KDM5A: variants seen among roughly 807,000 people sequenced by gnomAD.
KDM5A encodes lysine-specific demethylase 5A.
KDM5A carries 42 observed loss-of-function variants against 193.5 expected under a neutral mutation model. The ratio of observed to expected loss-of-function variants is 0.22; its 90% CI spans 0.17 to 0.28. The LOEUF (loss-of-function observed/expected upper bound fraction) is 0.28. Ranked by LOEUF, KDM5A falls within the 10% of genes least tolerant of loss-of-function variation. The pLI is 1.00. For missense variants in KDM5A, 1,692 were observed against 2,055.1 expected, an observed-to-expected ratio of 0.82 and a Z score of 3.42; for synonymous variants, 796 against 718.1, an observed-to-expected ratio of 1.11 and a Z score of -1.73.
At chr12:333,182 GC>G in intron 12 of KDM5A, 1 of 401,254 alleles carries the variant, frequency 2.5e-6, no homozygotes, top group Non-Finnish European at 4.7e-6. Context: ...ACTTTGGGAG[GC>G]CGAGTTGGGA....
chr12:313,700 C>T (rs577836601), intron 19 of KDM5A, among the ~76,000 whole-genome samples: 124 of 152,268 alleles, frequency 8.1e-4, no homozygotes, highest in African/African-American at 2.8e-3. Flanking sequence ...ATGAATAAAG[C>T]ATAGACCTTA....
At chr12:361,690 T>C (rs2084733230) in intron 5 of KDM5A, among the ~76,000 whole-genome samples, 1 of 152,176 alleles carries the variant, frequency 6.6e-6, no homozygotes, top group South Asian at 2.1e-4. Context: ...AATCACTGTA[T>C]ACCCAAAGAT....
intron 27 of KDM5A, among the ~76,000 whole-genome samples, chr12:287,795 T>G (rs1943238558): frequency 6.6e-6 from 1 of 152,182 alleles, no homozygotes; most frequent in South Asian, 2.1e-4. Flanking sequence ...ATCCATTGGA[T>G]AAGAATGTTA....
chr12:343,216 T>TG (rs1032618622), intron 10 of KDM5A, among the ~76,000 whole-genome samples: 12 of 151,622 alleles, frequency 7.9e-5, no homozygotes, highest in Admixed American at 7.9e-4. Flanking sequence ...GCAGCCTGGC[T>TG]GGGGGAGGGG....
intron 5 of KDM5A, among the ~76,000 whole-genome samples, chr12:360,924 G>A (rs1944286595): frequency 6.6e-6 from 1 of 152,054 alleles, no homozygotes; most frequent in Non-Finnish European, 1.5e-5. Context: ...TGAAGAGAAA[G>A]GTACACTTTG....
At chr12:335,758 C>T (rs1470193309) in intron 10 of KDM5A, among the ~76,000 whole-genome samples, 2 of 151,978 alleles carry the variant, frequency 1.3e-5, no homozygotes, top group Non-Finnish European at 2.9e-5. Context: ...CACAGAGAGG[C>T]GGGCTGGGCA....
intron 3 of KDM5A, among the ~76,000 whole-genome samples, chr12:371,402 AG>A (rs531386182): frequency 1.5e-3 from 231 of 152,296 alleles, no homozygotes; most frequent in African/African-American, 4.7e-3. Context: ...TTGGCTGCAT[AG>A]ATGTCTGCTT....
intron 4 of KDM5A, among the ~76,000 whole-genome samples, chr12:363,902 A>G (rs1434783368): frequency 6.6e-6 from 1 of 152,204 alleles, no homozygotes; most frequent in East Asian, 1.9e-4. Context: ...CAAGTATAAG[A>G]CAAACAACCC....
intron 3 of KDM5A, among the ~76,000 whole-genome samples, chr12:373,934 G>A (rs1453367807): frequency 6.6e-6 from 1 of 152,152 alleles, no homozygotes; most frequent in Non-Finnish European, 1.5e-5. Context: ...ATTGCACTGT[G>A]GTCTGAGAGA....
intron 3 of KDM5A, among the ~76,000 whole-genome samples, chr12:376,707 C>T (rs1449512373): frequency 2.0e-5 from 3 of 152,142 alleles, no homozygotes; most frequent in Non-Finnish European, 2.9e-5. Context: ...TGTTCCTATT[C>T]GGCCATCTTG....
Position 310,766 on chromosome 12 carries a change from G to A in KDM5A, c.3216+119C>T, listed in dbSNP as rs1245102715. 69 of 1,132,876 alleles carry A rather than the reference G, an allele frequency of 6.1e-5. No homozygotes were observed. The East Asian group carries it at 1.3e-3, about 21-fold the overall frequency. The allele number at this position is 1,132,876 out of a possible 1,614,324, so 70.2% of individuals were successfully genotyped here. A position where few individuals can be genotyped will look rare whatever the true frequency, so the allele number is the denominator to read the frequency against. ...GGTTCCAGATTTCAAGTCAACATCT[G>A]ATATTACCTAGTAAGAATCACTTGT... On this transcript the variant is annotated intron_variant, in intron 21 of 27. Coordinates refer to ENST00000399788, the MANE Select transcript of KDM5A (RefSeq NM_001042603.3).
chr12:292,307 G>A (rs1472649805), intron 27 of KDM5A, among the ~76,000 whole-genome samples: 1 of 152,192 alleles, frequency 6.6e-6, no homozygotes, highest in South Asian at 2.1e-4. Context: ...GTAAGATATG[G>A]ACTAAAAGTT....
At chr12:356,275 G>C (rs574954881) in intron 6 of KDM5A, among the ~76,000 whole-genome samples, 157 bp downstream of exon 6, 1 of 152,234 alleles carries the variant, frequency 6.6e-6, no homozygotes, top group Non-Finnish European at 1.5e-5. Context: ...AAATTTAAGA[G>C]ATCTGGCATT....
intron 24 of KDM5A, among the ~76,000 whole-genome samples, chr12:298,986 G>C (rs1438227622): frequency 1.3e-5 from 2 of 151,612 alleles, no homozygotes; most frequent in African/African-American, 4.8e-5. Context: ...TAAAGTGAGA[G>C]GACAAGATTA....
chr12:287,497 CAAA>C (rs58615505), intron 27 of KDM5A, among the ~76,000 whole-genome samples: 4 of 121,800 alleles, frequency 3.3e-5, no homozygotes, highest in Non-Finnish European at 3.5e-5. Flanking sequence ...AATCAGAGAC[CAAA>C]AAAAAAAAAA....
chr12:288,053 T>C (rs936573738), intron 27 of KDM5A, among the ~76,000 whole-genome samples: 1 of 152,212 alleles, frequency 6.6e-6, no homozygotes, highest in Admixed American at 6.5e-5. Flanking sequence ...TATAACAATT[T>C]AGCCTGATAA....
intron 24 of KDM5A, among the ~76,000 whole-genome samples, chr12:301,447 T>C (rs1261570655): frequency 6.6e-6 from 1 of 152,202 alleles, no homozygotes; most frequent in South Asian, 2.1e-4. Flanking sequence ...ATTATCTCGA[T>C]AGATGCAGAA....
Position 328,845 on chromosome 12 carries a change from A to G in KDM5A, c.1958T>C (p.Val653Ala). 1 of 1,613,940 alleles carries G rather than the reference A, an allele frequency of 6.2e-7. No homozygotes were observed. Among genetic ancestry groups the G allele is most frequent in the Non-Finnish European group, 8.5e-7 (1 of 1,180,024 alleles). The part of the protein sequence containing the change: ...TEEETRLRES[V>A]VQMGVLMSEE... ...GCTCAGCAAACTCACCATCTGTACAACAGACTCTCTTAATCGTGTTTCTTC... is the reference window on the plus strand; with the variant it reads ...GCTCAGCAAACTCACCATCTGTACAGCAGACTCTCTTAATCGTGTTTCTTC... Residue 653 changes from valine to alanine, a missense_variant, in exon 14 of 28, where the codon GTT (valine) becomes GCT (alanine). Physicochemically the swap from Val to Ala is moderately conservative, Grantham distance 64. This residue lies in a region of KDM5A where 88 missense variants were observed against 124.6 expected (regional missense o/e 0.71). Coordinates refer to ENST00000399788, the MANE Select transcript of KDM5A (RefSeq NM_001042603.3).
At chr12:313,675 A>G (rs1294077665) in intron 19 of KDM5A, among the ~76,000 whole-genome samples, 1 of 152,226 alleles carries the variant, frequency 6.6e-6, no homozygotes, top group African/African-American at 2.4e-5. Flanking sequence ...ATTCATTAAC[A>G]TTAGTTACAC....
Sources: allele counts gnomAD v4.1 joint callset (sites outside exome capture counted in the v4.1 genomes callset), GRCh38; gene constraint gnomAD v4.1.1; regional missense constraint gnomAD v4.1.1; transcripts MANE v1.5; gene names NCBI Gene and HGNC (gene_info 2026-07-23, HGNC 2026-07-21).